The following RABGEF1 variants were observed in gnomAD, a reference collection of about 807,000 sequenced individuals.
RABGEF1 encodes RAB guanine nucleotide exchange factor 1, also known as rab5 GDP/GTP exchange factor.
Under a neutral mutation model 57.3 loss-of-function variants are expected in RABGEF1, and 26 were observed. The ratio of observed to expected loss-of-function variants is 0.45; its 90% CI spans 0.33 to 0.63. The LOEUF is 0.63. Ranked by LOEUF, RABGEF1 falls within the 20% of genes least tolerant of loss-of-function variation. The pLI is 0.02. For missense variants in RABGEF1, 464 were observed against 607.6 expected (o/e 0.76, Z 2.48); for synonymous variants, 185 against 210.7 (o/e 0.88, Z 1.06).
chr7:66,806,376 A>G (rs1192025878), intron 8 of RABGEF1, among the ~76,000 whole-genome samples: 7 of 152,144 alleles, frequency 4.6e-5, no homozygotes, highest in Non-Finnish European at 1.0e-4. Context: ...CCAAAATTGT[A>G]TAAGCTTCAG....
chr7:66,697,668 G>C (rs1444052437), intron 1 of RABGEF1, among the ~76,000 whole-genome samples: 1 of 152,232 alleles, frequency 6.6e-6, no homozygotes, highest in African/African-American at 2.4e-5. Flanking sequence ...TTAGCAGGGC[G>C]GGGGTAGCTG....
At chr7:66,655,945 A>T in the RABGEF1 span, among the ~76,000 whole-genome samples, 2 of 152,180 alleles carry the variant, frequency 1.3e-5, no homozygotes, top group Admixed American at 1.3e-4. Flanking sequence ...GTGAGCTAAG[A>T]TGGAGCACCG....
At chr7:66,796,912 G>A (rs182898508) in intron 5 of RABGEF1, 23 of 445,072 alleles carry the variant, frequency 5.2e-5, no homozygotes, top group African/African-American at 3.5e-4. Flanking sequence ...TTTTTTAAGC[G>A]TATTTTTAAA....
At chr7:66,706,844 C>G (rs561144853) in intron 1 of RABGEF1, among the ~76,000 whole-genome samples, 1 of 138,644 alleles carries the variant, frequency 7.2e-6, no homozygotes, top group South Asian at 2.3e-4. Context: ...TGCAGTTTCG[C>G]GATCTCAGCT....
At chr7:66,663,570 CCTT>C in the RABGEF1 span, among the ~76,000 whole-genome samples, 1 of 130,022 alleles carries the variant, frequency 7.7e-6, no homozygotes, top group Non-Finnish European at 1.5e-5. Flanking sequence ...GAGCAAAACT[CCTT>C]CTCACAAAAA....
the RABGEF1 span, among the ~76,000 whole-genome samples, chr7:66,672,145 G>A: frequency 4.0e-5 from 6 of 151,772 alleles, no homozygotes; most frequent in African/African-American, 1.2e-4. Context: ...AAACCTGGCC[G>A]GGCACGGTGG....
At chr7:66,759,441 C>T (rs1803659364) in intron 1 of RABGEF1, among the ~76,000 whole-genome samples, 1 of 152,196 alleles carries the variant, frequency 6.6e-6, no homozygotes, top group Admixed American at 6.5e-5. Context: ...AGCTCATGTA[C>T]ACCTCAGAAT....
At chr7:66,788,941 GC>G (rs1428726679) in intron 4 of RABGEF1, among the ~76,000 whole-genome samples, 1 of 151,592 alleles carries the variant, frequency 6.6e-6, no homozygotes, top group Non-Finnish European at 1.5e-5. Context: ...GGCAACAAGA[GC>G]AAAAAAACTC....
intron 2 of RABGEF1, among the ~76,000 whole-genome samples, chr7:66,735,372 G>C (rs773654662): frequency 6.6e-6 from 1 of 152,220 alleles, no homozygotes. Flanking sequence ...TAGCATAGTA[G>C]TTTAGATTAT....
intron 1 of RABGEF1, among the ~76,000 whole-genome samples, chr7:66,767,409 A>T (rs1284580106): frequency 6.6e-6 from 1 of 152,210 alleles, no homozygotes; most frequent in Non-Finnish European, 1.5e-5. Flanking sequence ...CTCCACAATC[A>T]GAATACAGAA....
At chr7:66,780,815 G>T (rs1344323403) in intron 3 of RABGEF1, among the ~76,000 whole-genome samples, 1 of 152,048 alleles carries the variant, frequency 6.6e-6, no homozygotes, top group Non-Finnish European at 1.5e-5. Context: ...TGGTAATATG[G>T]TCCATGTTCT....
intron 1 of RABGEF1, among the ~76,000 whole-genome samples, chr7:66,684,272 C>T (rs1175969303): frequency 1.3e-5 from 2 of 151,974 alleles, no homozygotes; most frequent in Non-Finnish European, 1.5e-5. Context: ...GGTGAAACCC[C>T]GTCTCTACTA....
chr7:66,689,389 A>G (rs1367793065), intron 1 of RABGEF1, among the ~76,000 whole-genome samples: 1 of 152,198 alleles, frequency 6.6e-6, no homozygotes, highest in East Asian at 1.9e-4. Flanking sequence ...TACAGTAATT[A>G]AAGTGATTAT....
chr7:66,794,528 CAAAT>C (rs1813559008), intron 4 of RABGEF1, among the ~76,000 whole-genome samples: 1 of 152,022 alleles, frequency 6.6e-6, no homozygotes, highest in Admixed American at 6.6e-5. Context: ...AAGTGAGAAA[CAAAT>C]ACATATATTA....
the RABGEF1 span, among the ~76,000 whole-genome samples, chr7:66,657,736 G>A: frequency 1.3e-5 from 2 of 152,040 alleles, no homozygotes; most frequent in Admixed American, 6.6e-5. Flanking sequence ...CAGGAGAATC[G>A]CTTGAACCTG....
chr7:66,800,163 T>A (rs544333122), intron 7 of RABGEF1, among the ~76,000 whole-genome samples: 1 of 152,316 alleles, frequency 6.6e-6, no homozygotes, highest in South Asian at 2.1e-4. Context: ...TTAACTGATA[T>A]TAGTAGTGTT....
chr7:66,784,129 A>G (rs1209347354), intron 4 of RABGEF1, among the ~76,000 whole-genome samples: 1 of 152,204 alleles, frequency 6.6e-6, no homozygotes, highest in African/African-American at 2.4e-5. Context: ...GTGACCTTGT[A>G]AATAGTATAA....
At chr7:66,654,936 C>T in the RABGEF1 span, among the ~76,000 whole-genome samples, 2 of 152,258 alleles carry the variant, frequency 1.3e-5, no homozygotes, top group Non-Finnish European at 2.9e-5. Flanking sequence ...GAGCATTTCC[C>T]GGCCGCCTCC....
intron 1 of RABGEF1, among the ~76,000 whole-genome samples, chr7:66,694,250 G>C (rs1372131458): frequency 6.6e-6 from 1 of 152,264 alleles, no homozygotes; most frequent in Non-Finnish European, 1.5e-5. Flanking sequence ...GGTAAGTAAA[G>C]GGTGCCACGG....
Sources: gnomAD v4.1 joint callset for allele counts (sites outside exome capture counted in the v4.1 genomes callset) on GRCh38, gnomAD v4.1.1 for gene constraint, MANE v1.5 for transcripts, NCBI Gene and HGNC (gene_info 2026-07-23, HGNC 2026-07-21) for gene names.